Variants in CRYZL1 observed in about 807,000 individuals in gnomAD.
CRYZL1 encodes ferry endosomal RAB5 effector complex subunit 4.
CRYZL1 carries 34 observed loss-of-function variants against 50.6 expected under a neutral mutation model. That is an observed-to-expected ratio of 0.67 (90% confidence interval 0.51 to 0.89). The LOEUF is 0.89. Ranked by LOEUF, CRYZL1 falls within the 40% of genes least tolerant of loss-of-function variation. The pLI is 0.00. For synonymous variants in CRYZL1, 125 were observed against 134.3 expected, an observed-to-expected ratio of 0.93 and a Z score of 0.48; for missense variants, 354 against 402.3, an observed-to-expected ratio of 0.88 and a Z score of 1.03.
At chr21:33,624,347 G>C (rs2087035698) in intron 3 of CRYZL1, among the ~76,000 whole-genome samples, 1 of 152,180 alleles carries the variant, frequency 6.6e-6, no homozygotes, top group Non-Finnish European at 1.5e-5. Context: ...AGGAGTTTGA[G>C]ACCAGCCTGG....
At chr21:33,631,215 T>A (rs1372758859) in intron 2 of CRYZL1, among the ~76,000 whole-genome samples, 1 of 152,236 alleles carries the variant, frequency 6.6e-6, no homozygotes, top group Non-Finnish European at 1.5e-5. Context: ...GATCATTACA[T>A]AATTTATACA....
At chr21:33,619,842 C>A (rs1053335639) in intron 4 of CRYZL1, among the ~76,000 whole-genome samples, 4 of 152,186 alleles carry the variant, frequency 2.6e-5, no homozygotes, top group African/African-American at 9.7e-5. Flanking sequence ...TCATAATATC[C>A]TCCCTGCTAG....
At position 33,591,306 on chromosome 21, in the gene CRYZL1, A is replaced by G. The variant is rs2086640811; in HGVS notation, c.905-99T>C. 4.3e-6 allele frequency: 4 copies of G among 925,196 alleles called. No individual in the cohort carries two copies. The Admixed American group carries it at 7.2e-5, about 17-fold the overall frequency. The allele number at this position is 925,196 out of a possible 1,614,324, so 57.3% of individuals were successfully genotyped here. On this transcript the variant is annotated intron_variant, in intron 11 of 12. Coordinates refer to ENST00000381554, the MANE Select transcript of CRYZL1 (RefSeq NM_145858.3). Reference sequence around the variant, plus strand: ...AGGCAGGCCACTTTCTCTTGTTTCAAGTTTTGCACTCTCAGAGACTCAACA... The same window carrying G: ...AGGCAGGCCACTTTCTCTTGTTTCAGGTTTTGCACTCTCAGAGACTCAACA...
At chr21:33,603,140 T>C in intron 7 of CRYZL1, 1 of 378,218 alleles carries the variant, frequency 2.6e-6, no homozygotes. Context: ...TGTGGCATCT[T>C]AGGCTTTGTC....
chr21:33,591,275 G>T, intron 11 of CRYZL1, 68 bp from the exon 12 acceptor site: 1 of 1,292,176 alleles, frequency 7.7e-7, no homozygotes, highest in Non-Finnish European at 1.1e-6. Flanking sequence ...ATAAGCAGAG[G>T]ATGCCAGGCA....
At chr21:33,589,990 G>T in intron 12 of CRYZL1, 69 bp from the exon 13 acceptor site, 1 of 862,168 alleles carries the variant, frequency 1.2e-6, no homozygotes, top group Non-Finnish European at 1.8e-6. Context: ...GGTGGTATAT[G>T]ACAAATGCTA....
At chr21:33,619,257 C>T (rs2086968958) in intron 4 of CRYZL1, among the ~76,000 whole-genome samples, 1 of 152,328 alleles carries the variant, frequency 6.6e-6, no homozygotes, top group South Asian at 2.1e-4. Context: ...TTGAATCCAT[C>T]CCTCTTCTCC....
At chr21:33,616,593 G>C in intron 5 of CRYZL1, 113 bp downstream of exon 5, 1 of 1,566,088 alleles carries the variant, frequency 6.4e-7, no homozygotes, top group Non-Finnish European at 8.7e-7. Context: ...CACCCAGCCG[G>C]GAAAGTACTT....
In CRYZL1 at chr21:33,589,770, GCTT is replaced by G; in HGVS notation, c.*49_*51del. ...TCAACAATTTCCAAAGAAAATTCTGGCTTCAAATACTGGAATATGTTCATCCGA... is the reference window on the plus strand; with the variant it reads ...TCAACAATTTCCAAAGAAAATTCTGGCAAATACTGGAATATGTTCATCCGA... On this transcript the variant is annotated 3_prime_UTR_variant, in exon 13 of 13. Transcript: ENST00000381554. 8.5e-7 allele frequency: 1 copy of G among 1,172,328 alleles called. No individual in the cohort carries two copies. Among genetic ancestry groups the G allele is most frequent in the East Asian group, 2.4e-5 (1 of 42,018 alleles). The allele number at this position is 1,172,328 out of a possible 1,614,324, so 72.6% of individuals were successfully genotyped here.
At chr21:33,622,130 T>C (rs1489068027) in intron 3 of CRYZL1, 62 bp from the exon 4 acceptor site, 1 of 1,305,124 alleles carries the variant, frequency 7.7e-7, no homozygotes, top group Non-Finnish European at 1.1e-6. Context: ...CTCCATTATA[T>C]ATGAGGAAAG....
intron 1 of CRYZL1, among the ~76,000 whole-genome samples, chr21:33,632,246 C>T (rs981392880): frequency 3.3e-5 from 5 of 151,686 alleles, no homozygotes; most frequent in East Asian, 3.9e-4. Context: ...ACAGGAGAAC[C>T]GCTTAAACCT....
chr21:33,621,476 A>C (rs1051187972), intron 4 of CRYZL1, among the ~76,000 whole-genome samples: 5 of 150,748 alleles, frequency 3.3e-5, no homozygotes, highest in African/African-American at 1.2e-4. Context: ...CGAGTAGCTG[A>C]GACTACAGGC....
In CRYZL1 at chr21:33,589,709, TA is replaced by T. The variant is rs1206116883; in HGVS notation, c.*112del. On this transcript the variant is annotated 3_prime_UTR_variant, in exon 13 of 13. Coordinates refer to ENST00000381554, the MANE Select transcript of CRYZL1 (RefSeq NM_145858.3). ...TCTTGTCTTAGCAGAGAAACGTGCT[TA>T]AAAATGCAACTTGTTTTATCTTCCT... 2.8e-6 allele frequency: 2 copies of T among 706,820 alleles called. No homozygotes were observed. Among genetic ancestry groups the T allele is most frequent in the Non-Finnish European group, 4.9e-6 (2 of 405,004 alleles). The allele number at this position is 706,820 out of a possible 1,614,324, so 43.8% of individuals were successfully genotyped here. A position where few individuals can be genotyped will look rare whatever the true frequency, so the allele number is the denominator to read the frequency against.
intron 9 of CRYZL1, among the ~76,000 whole-genome samples, chr21:33,598,186 C>G (rs2086715082): frequency 6.6e-6 from 1 of 152,060 alleles, no homozygotes; most frequent in African/African-American, 2.4e-5. Flanking sequence ...AATTGATTCC[C>G]AATTAAAAAA....
intron 5 of CRYZL1, among the ~76,000 whole-genome samples, chr21:33,614,630 G>A (rs1332575545): frequency 6.6e-6 from 1 of 152,056 alleles, no homozygotes; most frequent in Non-Finnish European, 1.5e-5. Flanking sequence ...GGAGTGCAAT[G>A]GCGCGATCTC....
chr21:33,632,800 C>A (rs748555083), intron 1 of CRYZL1, among the ~76,000 whole-genome samples: 1 of 152,172 alleles, frequency 6.6e-6, no homozygotes, highest in Non-Finnish European at 1.5e-5. Flanking sequence ...GAAAAGTACA[C>A]AAATCCTTGA....
Position 33,613,589 on chromosome 21 carries a change from A to G in CRYZL1, c.280T>C (p.Ser94Pro). Residue 94 changes from serine (S) to proline (P), a missense_variant, in exon 6 of 13, where the codon TCT becomes CCT. Ser to Pro is a moderately conservative substitution (Grantham distance 74). Transcript: ENST00000381554. ...DEVVGILPLD[S>P]EDPGLCEVVR... ...ACTTCACAAAGTCCAGGGTCTTCAGAGTCCAGGGGCAAAATTCCTAAAAAT... is the reference window on the plus strand; with the variant it reads ...ACTTCACAAAGTCCAGGGTCTTCAGGGTCCAGGGGCAAAATTCCTAAAAAT... The G allele has an allele frequency of 2.5e-6, 4 of 1,612,990 alleles. No homozygotes were observed. The highest frequency in any genetic ancestry group is 3.4e-6 in the Non-Finnish European group (4 of 1,178,976).
At chr21:33,634,666 G>A (rs147420612) in intron 1 of CRYZL1, among the ~76,000 whole-genome samples, 12 of 151,546 alleles carry the variant, frequency 7.9e-5, no homozygotes, top group African/African-American at 2.9e-4. Flanking sequence ...TTTTTGAGAA[G>A]TGGAACAATT....
intron 1 of CRYZL1, among the ~76,000 whole-genome samples, chr21:33,639,316 A>T (rs919432559): frequency 2.6e-5 from 4 of 152,204 alleles, no homozygotes; most frequent in African/African-American, 7.2e-5. Flanking sequence ...TTACTATTCA[A>T]TGTAGGGCTA....
Sources: allele counts gnomAD v4.1 joint callset (sites outside exome capture counted in the v4.1 genomes callset), GRCh38; gene constraint gnomAD v4.1.1; transcripts MANE v1.5; gene names NCBI Gene and HGNC (gene_info 2026-07-23, HGNC 2026-07-21).